The following EME2 variants were observed in gnomAD, a reference collection of about 807,000 sequenced individuals.
EME2 encodes the protein structure-specific endonuclease subunit EME2.
Under a neutral mutation model 41.9 loss-of-function variants are expected in EME2, and 58 were observed. The observed-to-expected ratio is 1.38, with a 90% CI of 1.12 to 1.72. The LOEUF is 1.72. Ranked by LOEUF, EME2 falls within the 40% of genes most tolerant of loss-of-function variation. The pLI is 0.00. For synonymous variants in EME2, 334 were observed against 239.3 expected, an observed-to-expected ratio of 1.40 and a Z score of -3.65; for missense variants, 695 against 541.9, an observed-to-expected ratio of 1.28 and a Z score of -2.81.
rs543882375 is a variant in EME2 at position 1,775,938 on chromosome 16, G to A, written c.921G>A (p.Val307=). 2.5e-6 allele frequency: 4 copies of A among 1,611,776 alleles called. No individual in the cohort carries two copies. The highest frequency in any genetic ancestry group is 1.1e-5 in the South Asian group (1 of 91,052). The change falls in exon 7 of 8, where the codon GTG becomes GTA. Residue 307 remains valine (V), a synonymous_variant. Transcript: ENST00000568449. ...AGTTCAGTCGGGTCAGCCCAGCCGT[G>A]GCTGATGCAGTTGTCACAGCCTTCC... ...IRQFSRVSPA[V]ADAVVTAFPS...
rs763407273 is a variant in EME2, at chr16:1,777,198, G to A, written c.*960G>A. 59 of 1,610,364 alleles carry A rather than the reference G, an allele frequency of 3.7e-5. No homozygotes were observed. The highest frequency in any genetic ancestry group is 1.6e-4 in the Middle Eastern group (1 of 6,082). The stretch of plus-strand genomic sequence containing the variant: ...GGATCGGACACTGGAGCCTTGCGGC[G>A]GCTGCAACTCATGCTCAGGACCCAG... On this transcript the variant is annotated 3_prime_UTR_variant, in exon 8 of 8. Transcript: ENST00000568449.
chr16:1,775,043 C>T lies in EME2; in HGVS notation c.480C>T (p.Ile160=), dbSNP rs144898582. The T allele has an allele frequency of 8.7e-6, 14 of 1,608,688 alleles. No homozygotes were observed. The highest frequency in any genetic ancestry group is 4.4e-5 in the South Asian group (4 of 91,036). Residue 160 remains isoleucine (I), a splice_region_variant and synonymous_variant, in exon 4 of 8, where the codon ATC becomes ATT. Transcript: ENST00000568449. ...GTGCCACACGTTCTCATCTTCAGATCTCTGGCCCAACCCACTGGGTGCCCT... is the reference window on the plus strand; with the variant it reads ...GTGCCACACGTTCTCATCTTCAGATTTCTGGCCCAACCCACTGGGTGCCCT... The part of the protein sequence containing the change: ...FLQGVATLTQ[I]SGPTHWVPWI...
Position 1,773,121 on chromosome 16 carries a change from G to A in EME2, c.-107G>A, listed in dbSNP as rs2042650280. The A allele has an allele frequency of 3.6e-6, 5 of 1,391,088 alleles. No individual in the cohort carries two copies. In the South Asian group the frequency reaches 4.8e-5, roughly 13 times the overall value. The allele number at this position is 1,391,088 out of a possible 1,614,324, so 86.2% of individuals were successfully genotyped here. ...CGGACGCACCTTCTTCCGCGCCATG[G>A]CGGGTCCGCGTCCTCAGCGGTCCGG... On this transcript the variant is annotated 5_prime_UTR_variant, in exon 1 of 8. Transcript: ENST00000568449.
rs1310440714 is a variant in EME2 at position 1,778,965 on chromosome 16, C to A, written c.*2727C>A. 1.4e-5 allele frequency: 3 copies of A among 206,910 alleles called. No homozygotes were observed. 12.8% of individuals were successfully genotyped at this position (206,910 alleles called of 1,614,324 possible). A position where few individuals can be genotyped will look rare whatever the true frequency, so the allele number is the denominator to read the frequency against. ...CCCTGCTAGGCCAGCCCTGCAGGGG[C>A]CCCCAGGCAAGGCCACCACCCCCAC... is the stretch of plus-strand genomic sequence containing the variant. On this transcript the variant is annotated 3_prime_UTR_variant, in exon 8 of 8. Transcript: ENST00000568449.
chr16:1,776,867 A>G lies in EME2; in HGVS notation c.*629A>G, dbSNP rs535007458. On this transcript the variant is annotated 3_prime_UTR_variant, in exon 8 of 8. Coordinates refer to ENST00000568449, the MANE Select transcript of EME2 (RefSeq NM_001257370.2). Reference sequence around the variant, plus strand: ...CAGGCTCTCGTCCTCGCAGCCTCCCACAAGACCTGGGGCTCAGGGCAGCCG... The same window carrying G: ...CAGGCTCTCGTCCTCGCAGCCTCCCGCAAGACCTGGGGCTCAGGGCAGCCG... 3.5e-6 allele frequency: 2 copies of G among 566,298 alleles called. No homozygotes were observed. The highest frequency in any genetic ancestry group is 2.4e-5 in the South Asian group (1 of 41,316). 35.1% of individuals were successfully genotyped at this position (566,298 alleles called of 1,614,324 possible).
rs1037173086 is a variant in EME2, at chr16:1,776,428, C to T, written c.*190C>T. 4 of 583,110 alleles carry T rather than the reference C, an allele frequency of 6.9e-6. No homozygotes were observed. Among genetic ancestry groups the T allele is most frequent in the Non-Finnish European group, 1.2e-5 (4 of 335,116 alleles). The allele number at this position is 583,110 out of a possible 1,614,324, so 36.1% of individuals were successfully genotyped here. On this transcript the variant is annotated 3_prime_UTR_variant, in exon 8 of 8. Coordinates refer to ENST00000568449, the MANE Select transcript of EME2 (RefSeq NM_001257370.2). ...TAGGTAGCTGGGAGAAGAGGGGCTT[C>T]TGGCTGGCAGATGGCTGGCGGTTCC... is the stretch of plus-strand genomic sequence containing the variant.
At position 1,778,098 on chromosome 16, in the gene EME2, G is replaced by A. The variant is rs768440158; in HGVS notation, c.*1860G>A. ...GCGCGGGGCTGGGCTGCCGGAGCCA[G>A]GTTCCCCAGAAGCACCCTGGGCCGA... is the stretch of plus-strand genomic sequence containing the variant. On this transcript the variant is annotated 3_prime_UTR_variant, in exon 8 of 8. Transcript: ENST00000568449. The A allele has an allele frequency of 1.2e-6, 2 of 1,612,952 alleles. No individual in the cohort carries two copies. The highest frequency in any genetic ancestry group is 1.7e-6 in the Non-Finnish European group (2 of 1,179,934).
At position 1,777,647 on chromosome 16, in the gene EME2, A is replaced by G; in HGVS notation, c.*1409A>G. On this transcript the variant is annotated 3_prime_UTR_variant, in exon 8 of 8. Coordinates refer to ENST00000568449, the MANE Select transcript of EME2 (RefSeq NM_001257370.2). ...CCTGGGGCCTCAGGCTTCTGGGAGG[A>G]ACCCTTTCAGAAAACCTCAGTGTCC... The G allele has an allele frequency of 6.5e-7, 1 of 1,545,910 alleles. No individual in the cohort carries two copies. The highest frequency in any genetic ancestry group is 1.2e-5 in the South Asian group (1 of 83,000).
Position 1,775,679 on chromosome 16 carries a change from C to A in EME2, c.774C>A (p.Pro258=), listed in dbSNP as rs369698973. ...CAVTKALAQY[P]LKQYRESQAF... is the part of the protein sequence containing the mutation. ...TTACCAAGGCTCTCGCCCAGTATCC[C>A]CTCAAGTGCGTGATGCCAAGGCTGA... is the stretch of plus-strand genomic sequence containing the variant. Residue 258 remains proline, a synonymous_variant, in exon 6 of 8, where the codon CCC becomes CCA. Coordinates refer to ENST00000568449, the MANE Select transcript of EME2 (RefSeq NM_001257370.2). The A allele has an allele frequency of 4.2e-5, 67 of 1,612,222 alleles. No homozygotes were observed. The highest frequency in any genetic ancestry group is 5.5e-5 in the Non-Finnish European group (65 of 1,179,760).
At position 1,775,351 on chromosome 16, in the gene EME2, A is replaced by T. The variant is rs1266422271; in HGVS notation, c.606A>T (p.Pro202=). The T allele has an allele frequency of 1.9e-6, 3 of 1,611,410 alleles. No individual in the cohort carries two copies. In the Admixed American group the frequency reaches 5.0e-5, roughly 27 times the overall value. ...RQHVSRGTQQ[P]ESPKVAGAEV... The stretch of plus-strand genomic sequence containing the variant: ...ACGTTTCCCGGGGGACACAGCAGCC[A>T]GAGAGCCCGAAGGTGGCCGGTGCCG... The change falls in exon 5 of 8, where the codon CCA becomes CCT. Residue 202 remains proline (P), a synonymous_variant. Coordinates refer to ENST00000568449, the MANE Select transcript of EME2 (RefSeq NM_001257370.2).
chr16:1,778,428 C>A lies in EME2; in HGVS notation c.*2190C>A, dbSNP rs375566827. 1.9e-6 allele frequency: 3 copies of A among 1,607,082 alleles called. No homozygotes were observed. The highest frequency in any genetic ancestry group is 2.5e-6 in the Non-Finnish European group (3 of 1,176,936). On this transcript the variant is annotated 3_prime_UTR_variant, in exon 8 of 8. Coordinates refer to ENST00000568449, the MANE Select transcript of EME2 (RefSeq NM_001257370.2). ...CAGTCCCAGCAGGGGCTGGGCCCCA[C>A]GCTCACACTCGTCTTCCTCTCCGCA... is the stretch of plus-strand genomic sequence containing the variant.
rs1469971899 is a variant in EME2 at position 1,777,531 on chromosome 16, C to T, written c.*1293C>T. On this transcript the variant is annotated 3_prime_UTR_variant, in exon 8 of 8. Coordinates refer to ENST00000568449, the MANE Select transcript of EME2 (RefSeq NM_001257370.2). Reference sequence around the variant, plus strand: ...CCTCAGACCTCACGCTACAGTCACCCGGGTGGGCAGCTGGCACAGCTGAGG... The same window carrying T: ...CCTCAGACCTCACGCTACAGTCACCTGGGTGGGCAGCTGGCACAGCTGAGG... 6.0e-5 allele frequency: 83 copies of T among 1,392,164 alleles called. No homozygotes were observed. The highest frequency in any genetic ancestry group is 7.3e-5 in the Non-Finnish European group (77 of 1,056,214). 86.2% of individuals were successfully genotyped at this position (1,392,164 alleles called of 1,614,324 possible).
In EME2 at chr16:1,773,366, G is replaced by A; in HGVS notation, c.139G>A (p.Ala47Thr). The part of the protein sequence containing the change: ...DAEDSAGSEA[A>T]ARARDPAGER... ...TGAGGACTCCGCCGGCTCGGAGGCC[G>A]CCGCGAGAGCCCGGGACCCAGCGGG... The change falls in exon 1 of 8, where the codon GCC becomes ACC. Residue 47 changes from alanine (A) to threonine (T), a missense_variant. Ala to Thr is a moderately conservative substitution (Grantham distance 58). Coordinates refer to ENST00000568449, the MANE Select transcript of EME2 (RefSeq NM_001257370.2). 2.6e-6 allele frequency: 4 copies of A among 1,525,950 alleles called. No individual in the cohort carries two copies. The highest frequency in any genetic ancestry group is 1.4e-5 in the African/African-American group (1 of 70,210). 94.5% of individuals were successfully genotyped at this position (1,525,950 alleles called of 1,614,324 possible).
rs759022450 is a variant in EME2 at position 1,775,967 on chromosome 16, C to T, written c.950C>T (p.Ser317Phe). The T allele has an allele frequency of 6.8e-6, 11 of 1,608,974 alleles. No homozygotes were observed. The highest frequency in any genetic ancestry group is 1.1e-5 in the South Asian group (1 of 90,964). ...VADAVVTAFP[S>F]PRLLQQALEA... ...GATGCAGTTGTCACAGCCTTCCCCT[C>T]CCCCCGCCTTCTGCAGCAGGTGGGC... Residue 317 changes from serine (S) to phenylalanine (F), a missense_variant, in exon 7 of 8, where the codon TCC (serine) becomes TTC (phenylalanine). Transcript: ENST00000568449.
rs571262781 is a variant in EME2 at position 1,781,140 on chromosome 16, G to T, written c.*4902G>T. 16 of 1,508,002 alleles carry T rather than the reference G, an allele frequency of 1.1e-5. No individual in the cohort carries two copies. Among genetic ancestry groups the T allele is most frequent in the Non-Finnish European group, 1.4e-5 (16 of 1,127,630 alleles). The allele number at this position is 1,508,002 out of a possible 1,614,324, so 93.4% of individuals were successfully genotyped here. ...AGTGAAGAATGCAGTGTGTTCTGAG[G>T]TCCTGTCACCCCTGAGGCTGTGTGT... On this transcript the variant is annotated 3_prime_UTR_variant, in exon 8 of 8. Coordinates refer to ENST00000568449, the MANE Select transcript of EME2 (RefSeq NM_001257370.2).
chr16:1,777,334 G>C lies in EME2; in HGVS notation c.*1096G>C. Reference sequence around the variant, plus strand: ...GCAGGCGGTGGCAGCACAGGTACTGGAGGGAAGTGGCGCTGGCACAGGAGC... The same window carrying C: ...GCAGGCGGTGGCAGCACAGGTACTGCAGGGAAGTGGCGCTGGCACAGGAGC... On this transcript the variant is annotated 3_prime_UTR_variant, in exon 8 of 8. Coordinates refer to ENST00000568449, the MANE Select transcript of EME2 (RefSeq NM_001257370.2). 2 of 1,608,744 alleles carry C rather than the reference G, an allele frequency of 1.2e-6. No homozygotes were observed. The highest frequency in any genetic ancestry group is 2.2e-5 in the South Asian group (2 of 91,030).
chr16:1,777,396 A>G lies in EME2; in HGVS notation c.*1158A>G. ...ATGCTGCTCCGGGCCGCCGTGGAGC[A>G]CACCATCGGGTAGAATCTCTTGTTC... is the stretch of plus-strand genomic sequence containing the variant. On this transcript the variant is annotated 3_prime_UTR_variant, in exon 8 of 8. Transcript: ENST00000568449. 1 of 1,586,376 alleles carries G rather than the reference A, an allele frequency of 6.3e-7. No homozygotes were observed. Among genetic ancestry groups the G allele is most frequent in the Non-Finnish European group, 8.6e-7 (1 of 1,169,214 alleles).
In EME2 at chr16:1,775,373, G is replaced by C; in HGVS notation, c.628G>C (p.Ala210Pro). 6.2e-7 allele frequency: 1 copy of C among 1,610,544 alleles called. No homozygotes were observed. Among genetic ancestry groups the C allele is most frequent in the Non-Finnish European group, 8.5e-7 (1 of 1,178,480 alleles). ...GCCAGAGAGCCCGAAGGTGGCCGGT[G>C]CCGAGGTGGCCGTCAGCTGGCCGGA... The part of the protein sequence containing the change: ...QQPESPKVAG[A>P]EVAVSWPEVE... Residue 210 changes from alanine (A) to proline (P), a missense_variant, in exon 5 of 8, where the codon GCC becomes CCC. Coordinates refer to ENST00000568449, the MANE Select transcript of EME2 (RefSeq NM_001257370.2).
intron 2 of EME2, 116 bp downstream of exon 2, chr16:1,773,957 G>C: frequency 7.5e-7 from 1 of 1,336,790 alleles, no homozygotes; most frequent in South Asian, 1.5e-5. Flanking sequence ...TCTCGCGGAT[G>C]GGTAAAGCAA....
Sources: allele counts gnomAD v4.1 joint callset, GRCh38; gene constraint gnomAD v4.1.1; transcripts MANE v1.5; gene names NCBI Gene and HGNC (gene_info 2026-07-23, HGNC 2026-07-21).